The following SUGCT variants were observed in gnomAD, a reference collection of about 807,000 sequenced individuals.
The protein encoded by SUGCT is succinyl-CoA:glutarate-CoA transferase, also known as succinyl-CoA:glutarate CoA-transferase.
A neutral mutation model predicts 55.0 loss-of-function variants in SUGCT; 41 were observed. The ratio of observed to expected loss-of-function variants is 0.74; its 90% CI spans 0.58 to 0.97. The LOEUF is 0.97. Among genes scored for constraint, SUGCT ranks in the 50% least tolerant of loss-of-function variants. SUGCT has a pLI of 0.00. For synonymous variants in SUGCT, 187 were observed against 200.4 expected (o/e 0.93, Z 0.56); for missense variants, 568 against 547.8 (o/e 1.04, Z -0.37).
At chr7:40,219,741 A>C (rs1477440462) in intron 6 of SUGCT, among the ~76,000 whole-genome samples, 1 of 152,174 alleles carries the variant, frequency 6.6e-6, no homozygotes, top group Non-Finnish European at 1.5e-5. Context: ...AAAAAAACTA[A>C]AAAACTTCTT....
the SUGCT span, among the ~76,000 whole-genome samples, chr7:40,901,070 A>C: frequency 1.3e-5 from 2 of 152,158 alleles, no homozygotes; most frequent in Admixed American, 6.5e-5. Flanking sequence ...TGATTGTTTT[A>C]GGTTTTCATC....
chr7:40,761,903 C>T (rs929060338), intron 13 of SUGCT, among the ~76,000 whole-genome samples: 4 of 152,108 alleles, frequency 2.6e-5, no homozygotes, highest in Admixed American at 2.0e-4. Context: ...CCAATGTTCC[C>T]GGGGAGCGTC....
At chr7:40,254,943 G>A (rs959004583) in intron 7 of SUGCT, among the ~76,000 whole-genome samples, 6 of 151,572 alleles carry the variant, frequency 4.0e-5, no homozygotes, top group African/African-American at 1.5e-4. Context: ...TGTTGGCTGG[G>A]CGCGGTGGCT....
intron 9 of SUGCT, among the ~76,000 whole-genome samples, chr7:40,427,435 C>T (rs986632589): frequency 2.0e-5 from 3 of 152,138 alleles, no homozygotes; most frequent in Admixed American, 6.6e-5. Flanking sequence ...GTCATTTCCC[C>T]CTTAACATAG....
At chr7:40,894,194 A>G in the SUGCT span, among the ~76,000 whole-genome samples, 1 of 152,210 alleles carries the variant, frequency 6.6e-6, no homozygotes, top group Non-Finnish European at 1.5e-5. Flanking sequence ...CAGCCATCCA[A>G]TCTTCAGCAA....
At position 40,408,415 on chromosome 7, in the gene SUGCT, C is replaced by T. The variant is rs140573652; in HGVS notation, c.817-40872C>T. ...TTATCCCATCCTAGTATGCCTCCCGCTTTCTGCTTACTTAGATGGTGACCT... is the reference window on the plus strand; with the variant it reads ...TTATCCCATCCTAGTATGCCTCCCGTTTTCTGCTTACTTAGATGGTGACCT... On this transcript the variant is annotated intron_variant, in intron 9 of 13. Transcript: ENST00000335693. Among the ~76,000 whole-genome samples, 13 of 152,114 alleles carry T rather than the reference C, an allele frequency of 8.5e-5. No homozygotes were observed. The East Asian group carries it at 2.5e-3, about 29-fold the overall frequency.
intron 7 of SUGCT, among the ~76,000 whole-genome samples, chr7:40,269,085 A>G (rs77599334): frequency 0.065 from 9,919 of 152,216 alleles, 649 homozygotes; most frequent in African/African-American, 0.17. Context: ...TGAAGGCTCC[A>G]TTTCTTCACA....
At chr7:40,346,523 T>C (rs921269724) in intron 9 of SUGCT, among the ~76,000 whole-genome samples, 2 of 152,150 alleles carry the variant, frequency 1.3e-5, no homozygotes, top group African/African-American at 2.4e-5. Context: ...CTTAAGAAAG[T>C]TATATAACTT....
chr7:40,726,948 A>C (rs1022982838), intron 12 of SUGCT, among the ~76,000 whole-genome samples: 2 of 152,220 alleles, frequency 1.3e-5, no homozygotes, highest in African/African-American at 4.8e-5. Flanking sequence ...ACTTAAGCAA[A>C]GCTCTCGAGA....
chr7:40,824,952 G>A (rs1409751552), intron 13 of SUGCT, among the ~76,000 whole-genome samples: 2 of 152,170 alleles, frequency 1.3e-5, no homozygotes, highest in East Asian at 3.9e-4. Flanking sequence ...AACCATTGCA[G>A]CCTGTCACAG....
intron 1 of SUGCT, among the ~76,000 whole-genome samples, chr7:40,178,505 T>C (rs1055824232): frequency 6.6e-6 from 1 of 152,168 alleles, no homozygotes; most frequent in East Asian, 1.9e-4. Flanking sequence ...TTAATTGGGT[T>C]TAGAATTTTA....
chr7:40,694,806 T>A (rs1330568462), intron 12 of SUGCT, among the ~76,000 whole-genome samples: 1 of 152,178 alleles, frequency 6.6e-6, no homozygotes, highest in African/African-American at 2.4e-5. Context: ...AAAGACATCA[T>A]GGCTAGGAAA....
At chr7:40,858,113 C>T (rs537954363) in intron 13 of SUGCT, among the ~76,000 whole-genome samples, 1 of 152,050 alleles carries the variant, frequency 6.6e-6, no homozygotes, top group Non-Finnish European at 1.5e-5. Flanking sequence ...ACGACAGGAC[C>T]GTTGTGAGAA....
At chr7:40,758,352 T>C (rs908162152) in intron 13 of SUGCT, among the ~76,000 whole-genome samples, 16 of 152,270 alleles carry the variant, frequency 1.1e-4, no homozygotes, top group Admixed American at 6.5e-4. Context: ...ATAAAATATT[T>C]ATCTTTACTA....
chr7:41,028,738 A>G, the SUGCT span, among the ~76,000 whole-genome samples: 4 of 152,248 alleles, frequency 2.6e-5, no homozygotes, highest in African/African-American at 4.8e-5. Flanking sequence ...AAATGTTGTC[A>G]TGCAGTTCTT....
chr7:40,525,601 A>G (rs1446282791), intron 12 of SUGCT, among the ~76,000 whole-genome samples: 1 of 152,110 alleles, frequency 6.6e-6, no homozygotes, highest in Non-Finnish European at 1.5e-5. Context: ...TCTGAACATA[A>G]TAACTTTACG....
intron 1 of SUGCT, among the ~76,000 whole-genome samples, chr7:40,168,318 T>C (rs1256844843): frequency 1.3e-5 from 2 of 152,190 alleles, no homozygotes; most frequent in Non-Finnish European, 2.9e-5. Context: ...GTAGGGGTCA[T>C]GCAGTTGAGA....
the SUGCT span, among the ~76,000 whole-genome samples, chr7:41,017,280 G>A: frequency 4.6e-5 from 7 of 152,034 alleles, no homozygotes; most frequent in African/African-American, 9.7e-5. Context: ...GCCCATTCAC[G>A]TCTCCATATG....
At chr7:40,948,732 G>A in the SUGCT span, among the ~76,000 whole-genome samples, 1 of 151,082 alleles carries the variant, frequency 6.6e-6, no homozygotes, top group South Asian at 2.1e-4. Context: ...GTGTTAGTTT[G>A]CTGAGAATGA....
Sources: allele counts gnomAD v4.1 joint callset (sites outside exome capture counted in the v4.1 genomes callset), GRCh38; gene constraint gnomAD v4.1.1; transcripts MANE v1.5; gene names NCBI Gene and HGNC (gene_info 2026-07-23, HGNC 2026-07-21).